Variants in LYSMD2 observed in about 807,000 individuals in gnomAD.
LYSMD2 encodes the protein LysM domain containing 2, also known as lysM and putative peptidoglycan-binding domain-containing protein 2.
Under a neutral mutation model 17.7 loss-of-function variants are expected in LYSMD2, and 6 were observed. The observed-to-expected ratio is 0.34, with a 90% CI of 0.19 to 0.67. The LOEUF is 0.67. Among genes scored for constraint, LYSMD2 ranks in the 30% least tolerant of loss-of-function variants. The pLI is 0.69. For synonymous variants in LYSMD2, 102 were observed against 129.8 expected (o/e 0.79, Z 1.45); for missense variants, 237 against 286.7 (o/e 0.83, Z 1.25).
chr15:51,738,201 A>T (rs2055625579), upstream of LYSMD2: 3 of 139,444 alleles, frequency 2.2e-5, no homozygotes, highest in South Asian at 4.6e-4. Flanking sequence ...TCAAACACAC[A>T]CAGACAGCTT....
chr15:51,737,912 G>C (rs2055623233), upstream of LYSMD2: 1 of 228,170 alleles, frequency 4.4e-6, no homozygotes, highest in South Asian at 1.8e-4. The surrounding 1 kb of genome is among the most constrained non-coding windows in gnomAD (Gnocchi z 4.2). Context: ...GAGCGAGGGA[G>C]CCGGGGAGCG....
In LYSMD2 at chr15:51,737,342, C is replaced by A; in HGVS notation, c.273+8G>T. 7.2e-7 allele frequency: 1 copy of A among 1,381,964 alleles called. No individual in the cohort carries two copies. The highest frequency in any genetic ancestry group is 9.4e-7 in the Non-Finnish European group (1 of 1,068,032). 85.6% of individuals were successfully genotyped at this position (1,381,964 alleles called of 1,614,324 possible). A position where few individuals can be genotyped will look rare whatever the true frequency, so the allele number is the denominator to read the frequency against. On this transcript the variant is annotated splice_region_variant and intron_variant, in intron 1 of 2. Coordinates refer to ENST00000267838, the MANE Select transcript of LYSMD2 (RefSeq NM_153374.3). This position sits in a 1 kb window ranked among gnomAD's most constrained non-coding sequence, Gnocchi z 4.2. ...CCAGCCCGGGCCGCGGCGGCGCGCC[C>A]TGCTCACCGTGACACCGTACTTGAG...
At chr15:51,731,957 C>T (rs1285942366) in intron 1 of LYSMD2, among the ~76,000 whole-genome samples, 1 of 152,180 alleles carries the variant, frequency 6.6e-6, no homozygotes, top group Non-Finnish European at 1.5e-5. Context: ...GAGGTTTGAA[C>T]TATATTTAAC....
Position 51,723,446 on chromosome 15 carries a change from C to T in LYSMD2, c.*161G>A, listed in dbSNP as rs963696367. ...TAAAATTATAGAAAGCCAGAGGGAACTAATCACTTCAGTGCAACTGCAGCA... is the reference window on the plus strand; with the variant it reads ...TAAAATTATAGAAAGCCAGAGGGAATTAATCACTTCAGTGCAACTGCAGCA... On this transcript the variant is annotated 3_prime_UTR_variant, in exon 3 of 3. Coordinates refer to ENST00000267838, the MANE Select transcript of LYSMD2 (RefSeq NM_153374.3). 3.3e-6 allele frequency: 2 copies of T among 609,128 alleles called. No homozygotes were observed. The highest frequency in any genetic ancestry group is 3.8e-5 in the African/African-American group (2 of 52,238). 37.7% of individuals were successfully genotyped at this position (609,128 alleles called of 1,614,324 possible).
At chr15:51,727,921 G>A (rs1790433463) in intron 1 of LYSMD2, among the ~76,000 whole-genome samples, 1 of 152,122 alleles carries the variant, frequency 6.6e-6, no homozygotes, top group African/African-American at 2.4e-5. Context: ...CAACAAGGTG[G>A]GAACCAATCT....
Position 51,724,969 on chromosome 15 carries a change from A to C in LYSMD2, c.426T>G (p.Ser142Arg), listed in dbSNP as rs1303038538. ...DSPENETADN[S>R]FSQEEEPVVA... ...CCACTGGCTCCTCTTCCTGAGAAAA[A>C]CTGTTATCAGCAGTTTCATTTTCTG... Residue 142 changes from serine (S) to arginine (R), a missense_variant, in exon 2 of 3, where the codon AGT becomes AGG. Coordinates refer to ENST00000267838, the MANE Select transcript of LYSMD2 (RefSeq NM_153374.3). 5 of 1,614,158 alleles carry C rather than the reference A, an allele frequency of 3.1e-6. No homozygotes were observed. In the South Asian group the frequency reaches 4.4e-5, roughly 14 times the overall value.
chr15:51,724,373 T>C lies in LYSMD2; in HGVS notation c.605+417A>G, dbSNP rs574547767. On this transcript the variant is annotated intron_variant, in intron 2 of 2. Coordinates refer to ENST00000267838, the MANE Select transcript of LYSMD2 (RefSeq NM_153374.3). ...ATTTTACAAGTATTTTCTATGACACTACTTCTCTTGAAAGTGTCAGTGAGA... is the reference window on the plus strand; with the variant it reads ...ATTTTACAAGTATTTTCTATGACACCACTTCTCTTGAAAGTGTCAGTGAGA... Among the ~76,000 whole-genome samples, 5 of 152,356 alleles carry C rather than the reference T, an allele frequency of 3.3e-5. No individual in the cohort carries two copies. In the East Asian group the frequency reaches 7.7e-4, roughly 23 times the overall value.
chr15:51,728,086 G>A (rs986083216), intron 1 of LYSMD2, among the ~76,000 whole-genome samples: 2 of 152,142 alleles, frequency 1.3e-5, no homozygotes, highest in Non-Finnish European at 2.9e-5. Flanking sequence ...GATAGTAACA[G>A]TTCCTTCCTC....
At chr15:51,736,213 T>G (rs963436259) in intron 1 of LYSMD2, among the ~76,000 whole-genome samples, 9 of 152,198 alleles carry the variant, frequency 5.9e-5, no homozygotes, top group Non-Finnish European at 8.8e-5. Flanking sequence ...CAGCAGAGGG[T>G]AGCTACTGGT....
At chr15:51,751,212 ACT>A in intron 1 of LYSMD2, 2 of 697,784 alleles carry the variant, frequency 2.9e-6, no homozygotes, top group Non-Finnish European at 5.2e-6. Flanking sequence ...CAACCCAACT[ACT>A]CTCTCCTCCC....
Position 51,724,818 on chromosome 15 carries a change from CCTGTGTTGATAA to C in LYSMD2, c.565_576del (p.Leu189_Gln192del), listed in dbSNP as rs1443986149. On this transcript the variant is annotated inframe_deletion, in exon 2 of 3. Transcript: ENST00000267838. Reference sequence around the variant, plus strand: ...CTCTCTTCTTTTAGCTTCTTGGCTGCCTGTGTTGATAACTTAATCTGCAAGTCAAGTCTCTGC... The same window carrying C: ...CTCTCTTCTTTTAGCTTCTTGGCTGCCTTAATCTGCAAGTCAAGTCTCTGC... The C allele has an allele frequency of 1.2e-6, 2 of 1,613,478 alleles. No homozygotes were observed. The highest frequency in any genetic ancestry group is 1.7e-6 in the Non-Finnish European group (2 of 1,179,742).
At chr15:51,748,307 T>C (rs956853227) in intron 1 of LYSMD2, among the ~76,000 whole-genome samples, 6 of 111,442 alleles carry the variant, frequency 5.4e-5, no homozygotes, top group Admixed American at 2.0e-4. Context: ...AAATGAGGCT[T>C]AAGGGAGGTT....
rs1045217363 is a variant in LYSMD2 at position 51,737,437 on chromosome 15, C to T, written c.186G>A (p.Leu62=). The change falls in exon 1 of 3, where the codon CTG becomes CTA. Residue 62 remains leucine, a synonymous_variant. Transcript: ENST00000267838. This position sits in a 1 kb window ranked among gnomAD's most constrained non-coding sequence, Gnocchi z 4.2. ...CATGGCGCTCGATGACGCCGGCGCC[C>T]AGCGGCGCCCGCACGCTGGCGGTGC... is the stretch of plus-strand genomic sequence containing the variant. ...YGSTASVRAP[L]GAGVIERHVE... is the part of the protein sequence containing the mutation. The T allele has an allele frequency of 5.6e-6, 8 of 1,434,090 alleles. No homozygotes were observed. Among genetic ancestry groups the T allele is most frequent in the Non-Finnish European group, 7.3e-6 (8 of 1,097,616 alleles). The allele number at this position is 1,434,090 out of a possible 1,614,324, so 88.8% of individuals were successfully genotyped here. A position where few individuals can be genotyped will look rare whatever the true frequency, so the allele number is the denominator to read the frequency against.
chr15:51,737,631 C>T lies in LYSMD2; in HGVS notation c.-9G>A. On this transcript the variant is annotated 5_prime_UTR_variant, in exon 1 of 3. Coordinates refer to ENST00000267838, the MANE Select transcript of LYSMD2 (RefSeq NM_153374.3). The surrounding 1 kb of genome is among the most constrained non-coding windows in gnomAD (Gnocchi z 4.2). Reference sequence around the variant, plus strand: ...GGCGAGGAATCCGCCATGGGTCCTGCCGAGGCCGCCGGGTCGGGGAGCTTG... The same window carrying T: ...GGCGAGGAATCCGCCATGGGTCCTGTCGAGGCCGCCGGGTCGGGGAGCTTG... 8.3e-7 allele frequency: 1 copy of T among 1,205,606 alleles called. No individual in the cohort carries two copies. Among genetic ancestry groups the T allele is most frequent in the Non-Finnish European group, 1.0e-6 (1 of 971,338 alleles). The allele number at this position is 1,205,606 out of a possible 1,614,324, so 74.7% of individuals were successfully genotyped here.
chr15:51,731,753 T>C (rs2055578518), intron 1 of LYSMD2, among the ~76,000 whole-genome samples: 1 of 152,022 alleles, frequency 6.6e-6, no homozygotes, highest in Non-Finnish European at 1.5e-5. Flanking sequence ...TTCTCCAGGG[T>C]TTCTGCACAA....
At chr15:51,751,348 G>T in exon 1 of LYSMD2, 1 of 702,306 alleles carries the variant, frequency 1.4e-6, no homozygotes, top group South Asian at 1.5e-5. Flanking sequence ...GAAAGCCTTT[G>T]CCATCCACGC....
chr15:51,747,771 T>C (rs1317891232), intron 1 of LYSMD2, among the ~76,000 whole-genome samples: 2 of 152,238 alleles, frequency 1.3e-5, no homozygotes, highest in African/African-American at 4.8e-5. Flanking sequence ...TGGTATCATT[T>C]AACATGATCA....
intron 1 of LYSMD2, among the ~76,000 whole-genome samples, chr15:51,736,260 AC>A (rs1172594965): frequency 6.6e-6 from 1 of 152,132 alleles, no homozygotes; most frequent in African/African-American, 2.4e-5. Context: ...TCTGACTCAA[AC>A]CAGGCCCCAT....
At chr15:51,750,791 A>G (rs931766774) in intron 1 of LYSMD2, among the ~76,000 whole-genome samples, 3 of 152,178 alleles carry the variant, frequency 2.0e-5, no homozygotes, top group African/African-American at 7.2e-5. Flanking sequence ...AACCTGGCAG[A>G]CAGAACATCT....
Sources: allele counts gnomAD v4.1 joint callset (sites outside exome capture counted in the v4.1 genomes callset), GRCh38; gene constraint gnomAD v4.1.1; non-coding constraint Gnocchi (gnomAD v3.1); transcripts MANE v1.5; gene names NCBI Gene and HGNC (gene_info 2026-07-23, HGNC 2026-07-21).